Variants in IGSF21 observed in about 807,000 individuals in gnomAD.
IGSF21 encodes the protein immunoglobulin superfamily member 21.
A neutral mutation model predicts 46.8 loss-of-function variants in IGSF21; 28 were observed. The ratio of observed to expected loss-of-function variants is 0.60; its 90% CI spans 0.44 to 0.82. IGSF21 has a LOEUF of 0.82. IGSF21 is among the 40% of genes least tolerant of loss of function. IGSF21 has a pLI of 0.00. For missense variants in IGSF21, 624 were observed against 665.5 expected (o/e 0.94, Z 0.69); for synonymous variants, 284 against 273.6 (o/e 1.04, Z -0.38).
chr1:18,210,804 C>T (rs1397819611), intron 1 of IGSF21, among the ~76,000 whole-genome samples: 1 of 152,104 alleles, frequency 6.6e-6, no homozygotes, highest in African/African-American at 2.4e-5. Context: ...CAAGTGTCCC[C>T]TGGGGGTCAA....
chr1:18,177,308 C>A (rs1043511631), intron 1 of IGSF21, among the ~76,000 whole-genome samples: 1 of 36,046 alleles, frequency 2.8e-5, no homozygotes, highest in African/African-American at 1.0e-4. Flanking sequence ...TTCCTTTGCC[C>A]CGAAAAGTCC....
At chr1:18,181,241 T>A (rs2086855071) in intron 1 of IGSF21, among the ~76,000 whole-genome samples, 1 of 152,192 alleles carries the variant, frequency 6.6e-6, no homozygotes, top group African/African-American at 2.4e-5. Context: ...CGAAGCCCCA[T>A]CCTACACGTA....
chr1:18,377,455 T>C (rs2086296093), intron 9 of IGSF21, 24 bp downstream of exon 9: 3 of 1,608,268 alleles, frequency 1.9e-6, no homozygotes, highest in Admixed American at 3.3e-5. Flanking sequence ...CTCAGGATTT[T>C]TTGCTTAAAA....
At position 18,244,237 on chromosome 1, in the gene IGSF21, G is replaced by C. The variant is rs547031463; in HGVS notation, c.183+16227G>C. ...GGGCAGCGCTCCATGCATTGCCCCC[G>C]GTCGGGAGATTTCTTAAGCTACAAC... On this transcript the variant is annotated intron_variant, in intron 2 of 9. Transcript: ENST00000251296. Among the ~76,000 whole-genome samples, 9 of 152,332 alleles carry C rather than the reference G, an allele frequency of 5.9e-5. No individual in the cohort carries two copies. The South Asian group carries it at 1.5e-3, about 25-fold the overall frequency.
rs922350568 is a variant in IGSF21, at chr1:18,370,354, A to G, written c.1015+4657A>G. Among the ~76,000 whole-genome samples the G allele has an allele frequency of 7.2e-5, 11 of 152,340 alleles. No homozygotes were observed. In the East Asian group the frequency reaches 2.1e-3, roughly 29 times the overall value. ...AGACCCCCAAGGCGGTTCAATCAGGAAAGAGAAGTTCTCTTAAAAAATGAC... is the reference window on the plus strand; with the variant it reads ...AGACCCCCAAGGCGGTTCAATCAGGGAAGAGAAGTTCTCTTAAAAAATGAC... On this transcript the variant is annotated intron_variant, in intron 6 of 9. Coordinates refer to ENST00000251296, the MANE Select transcript of IGSF21 (RefSeq NM_032880.5).
intron 3 of IGSF21, among the ~76,000 whole-genome samples, chr1:18,292,940 G>T (rs950997645): frequency 6.6e-6 from 1 of 152,232 alleles, no homozygotes; most frequent in Admixed American, 6.5e-5. Flanking sequence ...TGCCCAGCCT[G>T]AAAGTAGTGG....
At chr1:18,306,246 C>T (rs574727370) in intron 3 of IGSF21, among the ~76,000 whole-genome samples, 23 of 152,332 alleles carry the variant, frequency 1.5e-4, no homozygotes, top group Admixed American at 1.5e-3. Context: ...TTCCGGACAC[C>T]TTGGCCTTCT....
intron 2 of IGSF21, among the ~76,000 whole-genome samples, chr1:18,235,419 G>A (rs76554150): frequency 5.7e-4 from 87 of 152,284 alleles, no homozygotes; most frequent in African/African-American, 1.9e-3. Flanking sequence ...AATGATAAGC[G>A]CAGTGCATAT....
intron 1 of IGSF21, among the ~76,000 whole-genome samples, chr1:18,182,271 G>A (rs551983746): frequency 6.3e-4 from 94 of 149,582 alleles, no homozygotes; most frequent in African/African-American, 2.2e-3. Flanking sequence ...CCACTTCCTA[G>A]GTTCAAGTGA....
intron 2 of IGSF21, among the ~76,000 whole-genome samples, chr1:18,267,969 A>G (rs2085005648): frequency 6.6e-6 from 1 of 152,238 alleles, no homozygotes; most frequent in Non-Finnish European, 1.5e-5. Context: ...TTTACAGAAA[A>G]TGTTTGCCAA....
At chr1:18,282,126 C>T (rs1410964108) in intron 2 of IGSF21, among the ~76,000 whole-genome samples, 2 of 152,110 alleles carry the variant, frequency 1.3e-5, no homozygotes, top group African/African-American at 4.8e-5. Flanking sequence ...TTGATGGCCC[C>T]CTGGGAAAGC....
intron 1 of IGSF21, among the ~76,000 whole-genome samples, chr1:18,168,944 C>T (rs912726544): frequency 6.6e-5 from 10 of 152,114 alleles, no homozygotes; most frequent in African/African-American, 1.9e-4. Flanking sequence ...CGAGGGGCCC[C>T]GAAGAGCCCT....
At chr1:18,274,569 C>A (rs1027274232) in intron 2 of IGSF21, among the ~76,000 whole-genome samples, 1 of 152,238 alleles carries the variant, frequency 6.6e-6, no homozygotes, top group African/African-American at 2.4e-5. Flanking sequence ...TTGTCCAGGG[C>A]TGTTTTGTGC....
intron 3 of IGSF21, among the ~76,000 whole-genome samples, chr1:18,306,730 CAG>C (rs1221152339): frequency 6.6e-6 from 1 of 152,350 alleles, no homozygotes; most frequent in South Asian, 2.1e-4. Context: ...GATCCTGTGA[CAG>C]AGCCATAGGG....
chr1:18,242,062 C>A (rs1445499221), intron 2 of IGSF21, among the ~76,000 whole-genome samples: 2 of 151,808 alleles, frequency 1.3e-5, no homozygotes, highest in Admixed American at 1.3e-4. Flanking sequence ...CTCATCATCA[C>A]CCTGCCGGAG....
intron 2 of IGSF21, among the ~76,000 whole-genome samples, chr1:18,230,084 CA>C (rs1194575661): frequency 6.6e-6 from 1 of 152,234 alleles, no homozygotes; most frequent in African/African-American, 2.4e-5. Flanking sequence ...ACCATAGTCA[CA>C]GTGGTGAAAA....
At chr1:18,198,768 C>G (rs567425594) in intron 1 of IGSF21, among the ~76,000 whole-genome samples, 1 of 152,158 alleles carries the variant, frequency 6.6e-6, no homozygotes, top group East Asian at 1.9e-4. Context: ...GGCAGAGTGA[C>G]GCCACTTCTG....
chr1:18,326,117 G>A (rs2085655643), intron 3 of IGSF21, among the ~76,000 whole-genome samples: 1 of 152,064 alleles, frequency 6.6e-6, no homozygotes, highest in Admixed American at 6.5e-5. Flanking sequence ...AGTACCCAGA[G>A]TGGCCAGACA....
intron 1 of IGSF21, among the ~76,000 whole-genome samples, chr1:18,202,215 G>A (rs1174627288): frequency 6.6e-6 from 1 of 152,182 alleles, no homozygotes; most frequent in African/African-American, 2.4e-5. Flanking sequence ...TCATAAGCCT[G>A]TTATAGTCCT....
Sources: allele counts gnomAD v4.1 joint callset (sites outside exome capture counted in the v4.1 genomes callset), GRCh38; gene constraint gnomAD v4.1.1; transcripts MANE v1.5; gene names NCBI Gene and HGNC (gene_info 2026-07-23, HGNC 2026-07-21).